The following USP39 variants were observed in gnomAD, a reference collection of about 807,000 sequenced individuals.
USP39 encodes the protein ubiquitin specific peptidase 39.
Under a neutral mutation model 66.4 loss-of-function variants are expected in USP39, and 38 were observed. That is an observed-to-expected ratio of 0.57 (90% CI 0.44 to 0.75). The LOEUF (loss-of-function observed/expected upper bound fraction) is 0.75. Among genes scored for constraint, USP39 ranks in the 30% least tolerant of loss-of-function variants. The pLI is 0.00. For synonymous variants in USP39, 303 were observed against 274.6 expected (o/e 1.10, Z -1.02); for missense variants, 608 against 714.4 (o/e 0.85, Z 1.70).
chr2:85,611,905 T>C (rs1184878045), upstream of USP39: 1 of 1,593,568 alleles, frequency 6.3e-7, no homozygotes, highest in East Asian at 2.3e-5. Context: ...TCGGATATGG[T>C]GCACGAAGCC....
At chr2:85,605,418 T>G (rs1338694126) in intron 1 of USP39, among the ~76,000 whole-genome samples, 2 of 152,210 alleles carry the variant, frequency 1.3e-5, no homozygotes, top group African/African-American at 4.8e-5. Context: ...ACACAACCAG[T>G]GCAAATTCTC....
chr2:85,606,732 A>C (rs573992574), intron 1 of USP39: 1 of 152,278 alleles, frequency 6.6e-6, no homozygotes, highest in Admixed American at 6.5e-5. Flanking sequence ...ACAAACACTT[A>C]AAAGGATACA....
chr2:85,648,184 A>G (rs1228160653), intron 12 of USP39, among the ~76,000 whole-genome samples, 168 bp downstream of exon 12: 3 of 152,232 alleles, frequency 2.0e-5, no homozygotes, highest in Middle Eastern at 3.2e-3. Context: ...TGGCCCTGAA[A>G]GTCAAGCAGA....
chr2:85,645,014 C>T lies in USP39; in HGVS notation c.1494C>T (p.Asp498=). 6.2e-7 allele frequency: 1 copy of T among 1,614,162 alleles called. No individual in the cohort carries two copies. Among genetic ancestry groups the T allele is most frequent in the Non-Finnish European group, 8.5e-7 (1 of 1,180,028 alleles). Residue 498 remains aspartate (D), a synonymous_variant, in exon 11 of 13, where the codon GAC becomes GAT. Coordinates refer to ENST00000323701, the MANE Select transcript of USP39 (RefSeq NM_006590.4). ...CAGTACACAAGAATACCACCTATGACCTCATTGCCAACATCGTGCATGACG... is the reference window on the plus strand; with the variant it reads ...CAGTACACAAGAATACCACCTATGATCTCATTGCCAACATCGTGCATGACG... ...VQAVHKNTTY[D]LIANIVHDGK... is the part of the protein sequence containing the mutation.
Position 85,616,365 on chromosome 2 carries a change from C to G in USP39, c.170C>G (p.Ala57Gly), listed in dbSNP as rs556991835. The change falls in exon 1 of 13, where the codon GCG becomes GGG. Residue 57 changes from alanine (A) to glycine (G), a missense_variant. By Grantham distance (60) the Ala-to-Gly change is moderately conservative (BLOSUM62 0). Around this residue, in one of 6 missense-constraint regions of USP39, gnomAD observed 207 missense variants for 145.7 expected, o/e 1.42. Transcript: ENST00000323701. The part of the protein sequence containing the change: ...PVRVKREFEP[A>G]SAREAPASVV... ...CGCGTGAAGCGGGAGTTCGAGCCGG[C>G]GAGCGCGCGCGAGGCCCCGGCTTCT... 1 of 1,600,310 alleles carries G rather than the reference C, an allele frequency of 6.2e-7. No individual in the cohort carries two copies. Among genetic ancestry groups the G allele is most frequent in the Non-Finnish European group, 8.5e-7 (1 of 1,173,698 alleles).
Position 85,623,652 on chromosome 2 carries a change from G to C in USP39, c.440G>C (p.Gly147Ala). Residue 147 changes from glycine (G) to alanine (A), a missense_variant, in exon 4 of 13, where the codon GGT (glycine) becomes GCT (alanine). Transcript: ENST00000323701. ...LVCGKYFQGR[G>A]LKSHAYIHSV... ...TTTTCACCCTTCCCTACAGGCCGGG[G>C]TTTGAAGTCTCACGCCTACATTCAC... 4 of 1,612,808 alleles carry C rather than the reference G, an allele frequency of 2.5e-6. No homozygotes were observed. Among genetic ancestry groups the C allele is most frequent in the Non-Finnish European group, 2.5e-6 (3 of 1,179,556 alleles).
chr2:85,640,859 T>C, intron 9 of USP39, 117 bp from the exon 10 acceptor site: 1 of 839,558 alleles, frequency 1.2e-6, no homozygotes, highest in Non-Finnish European at 1.8e-6. Context: ...AGGAGTCTTG[T>C]GAACTTAAGT....
chr2:85,618,080 A>G (rs1055883194), intron 1 of USP39, among the ~76,000 whole-genome samples: 1 of 151,918 alleles, frequency 6.6e-6, no homozygotes, highest in African/African-American at 2.4e-5. Context: ...CAGCCTCCCA[A>G]GTAGGCTGGG....
Position 85,648,791 on chromosome 2 carries a change from A to G in USP39, c.1681A>G (p.Asn561Asp), listed in dbSNP as rs375627272. 5.6e-5 allele frequency: 91 copies of G among 1,614,036 alleles called. No homozygotes were observed. The highest frequency in any genetic ancestry group is 6.9e-5 in the Non-Finnish European group (82 of 1,180,018). Residue 561 changes from asparagine (N) to aspartate (D), a missense_variant, in exon 13 of 13, where the codon AAC becomes GAC. Asn to Asp is a conservative substitution (Grantham distance 23). Transcript: ENST00000323701. The stretch of plus-strand genomic sequence containing the variant: ...GAAGAGGCGAGATAATGATGAAACC[A>G]ACCAGCAGGGGGCTTGAAGGAGGCG... ...IWKRRDNDET[N>D]QQGA
intron 10 of USP39, among the ~76,000 whole-genome samples, chr2:85,642,219 G>A (rs1049246443): frequency 6.6e-6 from 1 of 152,138 alleles, no homozygotes; most frequent in Non-Finnish European, 1.5e-5. Flanking sequence ...AATTACAGGG[G>A]AATTTCTTTT....
intron 8 of USP39, 148 bp downstream of exon 8, chr2:85,637,584 C>A: frequency 1.3e-6 from 1 of 785,288 alleles, no homozygotes; most frequent in Non-Finnish European, 2.1e-6. Flanking sequence ...TCTGCCTGGT[C>A]CCTGTCATAC....
At chr2:85,609,317 C>T, upstream of USP39, 2 of 1,427,724 alleles carry the variant, frequency 1.4e-6, no homozygotes, top group South Asian at 1.3e-5. Context: ...GGCCTAGACT[C>T]ACATGTGGAG....
chr2:85,607,201 G>A (rs1673245731), upstream of USP39: 1 of 152,198 alleles, frequency 6.6e-6, no homozygotes, highest in Non-Finnish European at 1.5e-5. Flanking sequence ...TAAAAAGCCA[G>A]ACTTGCAGTG....
At chr2:85,612,370 G>A, upstream of USP39, 2 of 1,535,924 alleles carry the variant, frequency 1.3e-6, no homozygotes, top group South Asian at 2.4e-5. Context: ...GTAATAGGAT[G>A]CTGTGCAATC....
chr2:85,625,207 G>A (rs924073174), intron 4 of USP39, among the ~76,000 whole-genome samples: 2 of 152,138 alleles, frequency 1.3e-5, no homozygotes, highest in African/African-American at 4.8e-5. Context: ...GCTCCCAGGA[G>A]GTTCTATCTG....
At chr2:85,627,338 A>C (rs952422330) in intron 5 of USP39, among the ~76,000 whole-genome samples, 1 of 152,012 alleles carries the variant, frequency 6.6e-6, no homozygotes, top group Non-Finnish European at 1.5e-5. Flanking sequence ...CTCGTGGTCC[A>C]CCCGCCTGAG....
chr2:85,623,354 GATAT>G (rs778383068), intron 3 of USP39, among the ~76,000 whole-genome samples: 3 of 148,784 alleles, frequency 2.0e-5, no homozygotes, highest in Admixed American at 1.3e-4. Context: ...ATTATATATA[GATAT>G]ATATATAGGT....
intron 1 of USP39, among the ~76,000 whole-genome samples, chr2:85,618,601 T>C (rs1674197759): frequency 2.0e-5 from 3 of 151,386 alleles, no homozygotes; most frequent in Admixed American, 6.6e-5. Flanking sequence ...CACACAACTA[T>C]ATGGTACATT....
At chr2:85,646,538 C>G (rs1676658282) in intron 11 of USP39, among the ~76,000 whole-genome samples, 1 of 152,186 alleles carries the variant, frequency 6.6e-6, no homozygotes, top group African/African-American at 2.4e-5. Flanking sequence ...GCTTCAAAGC[C>G]CATGTTCTTA....
Sources: allele counts gnomAD v4.1 joint callset (sites outside exome capture counted in the v4.1 genomes callset), GRCh38; gene constraint gnomAD v4.1.1; regional missense constraint gnomAD v4.1.1; transcripts MANE v1.5; gene names NCBI Gene and HGNC (gene_info 2026-07-23, HGNC 2026-07-21).